The following EIF4A1 variants were observed in gnomAD, a reference collection of about 807,000 sequenced individuals.
The protein encoded by EIF4A1 is eukaryotic initiation factor 4A-I.
A neutral mutation model predicts 53.5 loss-of-function variants in EIF4A1; 11 were observed. That is an observed-to-expected ratio of 0.21 (90% CI 0.13 to 0.34). EIF4A1 has a LOEUF of 0.34. Ranked by LOEUF, EIF4A1 falls within the 10% of genes least tolerant of loss-of-function variation. The pLI is 1.00. For missense variants in EIF4A1, 213 were observed against 530.8 expected, an observed-to-expected ratio of 0.40 and a Z score of 5.88; for synonymous variants, 237 against 186.7, an observed-to-expected ratio of 1.27 and a Z score of -2.20.
At chr17:7,576,742 G>A (rs1057378863) in intron 5 of EIF4A1, 50 bp downstream of exon 5, 11 of 1,566,940 alleles carry the variant, frequency 7.0e-6, no homozygotes, top group Admixed American at 5.5e-5. Context: ...TCTTGTGCAC[G>A]CTTTCCAGTC....
At chr17:7,575,536 T>G in intron 4 of EIF4A1, 1 of 525,984 alleles carries the variant, frequency 1.9e-6, no homozygotes, top group Non-Finnish European at 3.5e-6. Flanking sequence ...CACTATGGGC[T>G]AAGAGATCCC....
At chr17:7,576,473 T>G (rs1394040479) in intron 4 of EIF4A1, 51 bp from the exon 5 acceptor site, 1 of 1,502,422 alleles carries the variant, frequency 6.7e-7, no homozygotes, top group Non-Finnish European at 8.9e-7. Context: ...TTAAGAATGG[T>G]GCCGGGCACA....
intron 1 of EIF4A1, 72 bp downstream of exon 1, chr17:7,572,936 A>C: frequency 6.2e-7 from 1 of 1,613,238 alleles, no homozygotes. Flanking sequence ...CGCCGGGGGT[A>C]GCTGAGAGGC....
intron 1 of EIF4A1, chr17:7,573,119 A>G: frequency 1.6e-6 from 1 of 610,900 alleles, no homozygotes; most frequent in Non-Finnish European, 2.9e-6. Flanking sequence ...AGGCGGTGCC[A>G]TGCGCGAAGC....
chr17:7,573,743 G>C (rs951995351), intron 1 of EIF4A1: 1 of 156,674 alleles, frequency 6.4e-6, no homozygotes, highest in East Asian at 1.9e-4. Flanking sequence ...CATTGTGCGC[G>C]AGGCCGCCAC....
intron 2 of EIF4A1, 47 bp from the exon 3 acceptor site, chr17:7,574,499 C>G (rs746398017): frequency 2.5e-6 from 4 of 1,611,730 alleles, no homozygotes; most frequent in Admixed American, 1.7e-5. Context: ...TACAGCTCAG[C>G]TCCACCTTTT....
rs1183351313 is a variant in EIF4A1 at position 7,578,805 on chromosome 17, CTA to C, written c.*321_*322del. 5 of 204,170 alleles carry C rather than the reference CTA, an allele frequency of 2.4e-5. No homozygotes were observed. The highest frequency in any genetic ancestry group is 2.5e-4 in the South Asian group (2 of 7,892). The allele number at this position is 204,170 out of a possible 1,614,324, so 12.6% of individuals were successfully genotyped here. ...GCTCCTTTGAAAGTGATTCAAGGGA[CTA>C]TGTCACTCAGCCTCATTTGCTGGAC... On this transcript the variant is annotated 3_prime_UTR_variant, in exon 11 of 11. Transcript: ENST00000293831.
At position 7,577,991 on chromosome 17, in the gene EIF4A1, CCT is replaced by C. The variant is rs775735914; in HGVS notation, c.996+79_996+80del. On this transcript the variant is annotated intron_variant, in intron 9 of 10. Transcript: ENST00000293831. This position sits in a 1 kb window ranked among gnomAD's most constrained non-coding sequence, Gnocchi z 4.7. ...TTCCCTCTCCAAGGGGACATCAGTG[CCT>C]CTCAGGAAAGTAGCAGCTTGGAATA... 1.5e-5 allele frequency: 24 copies of C among 1,594,096 alleles called. No homozygotes were observed. The Middle Eastern group carries it at 5.0e-4, about 33-fold the overall frequency.
intron 5 of EIF4A1, 66 bp downstream of exon 5, chr17:7,576,758 G>A (rs1832743803): frequency 1.3e-6 from 2 of 1,562,108 alleles, no homozygotes; most frequent in Admixed American, 3.7e-5. Flanking sequence ...CAGTCTTTCA[G>A]CGTAAGCCAG....
At position 7,576,408 on chromosome 17, in the gene EIF4A1, T is replaced by C. The variant is rs189933716; in HGVS notation, c.346-116T>C. The C allele has an allele frequency of 1.6e-4, 221 of 1,342,076 alleles. No individual in the cohort carries two copies. The African/African-American group carries it at 3.1e-3, about 19-fold the overall frequency. 83.1% of individuals were successfully genotyped at this position (1,342,076 alleles called of 1,614,324 possible). On this transcript the variant is annotated intron_variant, in intron 4 of 10. Coordinates refer to ENST00000293831, the MANE Select transcript of EIF4A1 (RefSeq NM_001416.4). ...CCTGTTTCTCAGCTGAATGTGAGTT[T>C]AATAATAGTGCATGCCCCAAAGTTG...
chr17:7,574,727 G>A, intron 3 of EIF4A1, 49 bp downstream of exon 3: 1 of 1,609,800 alleles, frequency 6.2e-7, no homozygotes, highest in Non-Finnish European at 8.5e-7. Context: ...CCTGACCTGG[G>A]TAGAGTGGCA....
At chr17:7,574,353 T>A in intron 2 of EIF4A1, 45 bp downstream of exon 2, 1 of 1,613,698 alleles carries the variant, frequency 6.2e-7, no homozygotes, top group South Asian at 1.1e-5. Context: ...ATTACAACTT[T>A]CAGCCGTATA....
rs775817646 is a variant in EIF4A1 at position 7,575,318 on chromosome 17, A to G, written c.345+60A>G. On this transcript the variant is annotated intron_variant, in intron 4 of 10. Transcript: ENST00000293831. Reference sequence around the variant, plus strand: ...ATTTAGGGATGATGAGTATAATCCAAGGACCAGAGAAGTCTTCTCTGATCA... The same window carrying G: ...ATTTAGGGATGATGAGTATAATCCAGGGACCAGAGAAGTCTTCTCTGATCA... The G allele has an allele frequency of 3.7e-6, 6 of 1,607,756 alleles. No individual in the cohort carries two copies. In the African/African-American group the frequency reaches 8.0e-5, roughly 21 times the overall value.
chr17:7,574,334 T>C lies in EIF4A1; in HGVS notation c.72+26T>C, dbSNP rs760407573. The C allele has an allele frequency of 2.5e-6, 4 of 1,613,986 alleles. No homozygotes were observed. The African/African-American group carries it at 5.3e-5, about 22-fold the overall frequency. ...GTGAGACTGGAGAAATGGAATTCTGTCCTCCCCCATTACAACTTTCAGCCG... is the reference window on the plus strand; with the variant it reads ...GTGAGACTGGAGAAATGGAATTCTGCCCTCCCCCATTACAACTTTCAGCCG... On this transcript the variant is annotated intron_variant, in intron 2 of 10. Coordinates refer to ENST00000293831, the MANE Select transcript of EIF4A1 (RefSeq NM_001416.4).
rs1343920463 is a variant in EIF4A1, at chr17:7,577,547, A to G, written c.769-22A>G. The G allele has an allele frequency of 6.2e-7, 1 of 1,612,520 alleles. No homozygotes were observed. Among genetic ancestry groups the G allele is most frequent in the Admixed American group, 1.7e-5 (1 of 59,950 alleles). On this transcript the variant is annotated intron_variant, in intron 7 of 10. Coordinates refer to ENST00000293831, the MANE Select transcript of EIF4A1 (RefSeq NM_001416.4). This position sits in a 1 kb window ranked among gnomAD's most constrained non-coding sequence, Gnocchi z 4.7. ...AGTTGTTGGGTATAGCCCCTGACTGATTTTTGTCCCCCAACCTCCAGGAGT... is the reference window on the plus strand; with the variant it reads ...AGTTGTTGGGTATAGCCCCTGACTGGTTTTTGTCCCCCAACCTCCAGGAGT...
chr17:7,575,336 T>C (rs1474809801), intron 4 of EIF4A1, 78 bp downstream of exon 4: 2 of 1,596,690 alleles, frequency 1.3e-6, no homozygotes, highest in East Asian at 2.2e-5. Context: ...AGAAGTCTTC[T>C]CTGATCACCA....
chr17:7,574,469 G>A (rs2071373037), intron 2 of EIF4A1, 77 bp from the exon 3 acceptor site: 4 of 1,604,106 alleles, frequency 2.5e-6, no homozygotes, highest in Non-Finnish European at 3.4e-6. Context: ...GTAGGCACCA[G>A]ATTCTGTTTG....
Position 7,575,327 on chromosome 17 carries a change from G to A in EIF4A1, c.345+69G>A, listed in dbSNP as rs762309939. The A allele has an allele frequency of 1.1e-5, 18 of 1,605,718 alleles. No homozygotes were observed. The African/African-American group carries it at 1.6e-4, about 14-fold the overall frequency. On this transcript the variant is annotated intron_variant, in intron 4 of 10. Transcript: ENST00000293831. ...TGATGAGTATAATCCAAGGACCAGA[G>A]AAGTCTTCTCTGATCACCACCTTGG...
In EIF4A1 at chr17:7,574,294, G is replaced by C; in HGVS notation, c.58G>C (p.Glu20Gln). 6.2e-7 allele frequency: 1 copy of C among 1,614,198 alleles called. No homozygotes were observed. The highest frequency in any genetic ancestry group is 8.5e-7 in the Non-Finnish European group (1 of 1,180,034). ...CAATGGCCCCGATGGGATGGAGCCC[G>C]AAGGCGTCATCGAGGTGAGACTGGA... Reference protein sequence around the residue: ...RDNGPDGMEPEGVIESNWNEI... With the variant: ...RDNGPDGMEPQGVIESNWNEI... The change falls in exon 2 of 11, where the codon GAA (glutamate) becomes CAA (glutamine). Residue 20 changes from glutamate to glutamine, a missense_variant. By Grantham distance (29) the Glu-to-Gln change is conservative. Around this residue, in one of 4 missense-constraint regions of EIF4A1, gnomAD observed 53 missense variants for 34.0 expected, o/e 1.56. Transcript: ENST00000293831.
Sources: allele counts gnomAD v4.1 joint callset, GRCh38; gene constraint gnomAD v4.1.1; regional missense constraint gnomAD v4.1.1; non-coding constraint Gnocchi (gnomAD v3.1); transcripts MANE v1.5; gene names NCBI Gene and HGNC (gene_info 2026-07-23, HGNC 2026-07-21).